Variants in CYP1A1 observed in about 807,000 individuals in gnomAD.
The protein encoded by CYP1A1 is cytochrome P450 1A1.
A neutral mutation model predicts 33.6 loss-of-function variants in CYP1A1; 43 were observed. The ratio of observed to expected loss-of-function variants is 1.28; its 90% confidence interval spans 1.00 to 1.65. The LOEUF (loss-of-function observed/expected upper bound fraction) is 1.65. CYP1A1 is among the 40% of genes most tolerant of loss of function. The probability of loss-of-function intolerance (pLI) is 0.00; values close to 1 mark genes in which losing one functional copy is unlikely to be tolerated. For synonymous variants in CYP1A1, 280 were observed against 257.8 expected, an observed-to-expected ratio of 1.09 and a Z score of -0.83; for missense variants, 637 against 653.7, an observed-to-expected ratio of 0.97 and a Z score of 0.28.
intron 1 of CYP1A1, among the ~76,000 whole-genome samples, chr15:74,724,819 A>T (rs1379040468): frequency 1.3e-5 from 2 of 151,996 alleles, no homozygotes; most frequent in African/African-American, 4.8e-5. Flanking sequence ...AGCTCCCTGC[A>T]GTTGGCAATC....
At chr15:74,723,223 AC>A in intron 1 of CYP1A1, 97 bp from the exon 2 acceptor site, 1 of 678,632 alleles carries the variant, frequency 1.5e-6, no homozygotes, top group Non-Finnish European at 2.4e-6. Context: ...AAACCTTTCC[AC>A]CAGAACTGCT....
At position 74,720,497 on chromosome 15, in the gene CYP1A1, G is replaced by A. The variant is rs148638069; in HGVS notation, c.1531C>T (p.Arg511Cys). ...ACCEHFQMQLRS is the reference protein window; with the variant it reads ...ACCEHFQMQLCS Reference sequence around the variant, plus strand: ...TCAGGGCTCTCAAGCACCTAAGAGCGCAGCTGCATTTGGAAGTGCTCACAG... The same window carrying A: ...TCAGGGCTCTCAAGCACCTAAGAGCACAGCTGCATTTGGAAGTGCTCACAG... Residue 511 changes from arginine (R) to cysteine (C), a missense_variant, in exon 7 of 7, where the codon CGC becomes TGC. Arg to Cys is a radical substitution (Grantham distance 180, BLOSUM62 -3). Coordinates refer to ENST00000379727, the MANE Select transcript of CYP1A1 (RefSeq NM_001319217.2). 3.3e-5 allele frequency: 51 copies of A among 1,566,644 alleles called. No homozygotes were observed. The highest frequency in any genetic ancestry group is 1.3e-4 in the Admixed American group (7 of 54,490).
intron 2 of CYP1A1, chr15:74,722,011 C>A: frequency 3.4e-6 from 2 of 591,166 alleles, no homozygotes; most frequent in Admixed American, 3.1e-5. Flanking sequence ...CTCTTCCTGG[C>A]TCCCTCAGCA....
chr15:74,724,564 G>A (rs1264881639), intron 1 of CYP1A1, among the ~76,000 whole-genome samples: 1 of 151,358 alleles, frequency 6.6e-6, no homozygotes, highest in Non-Finnish European at 1.5e-5. Context: ...CTCCCCACAG[G>A]AGAACCTCAC....
In CYP1A1 at chr15:74,721,495, T is replaced by G; in HGVS notation, c.961A>C (p.Thr321Pro). 6.2e-7 allele frequency: 1 copy of G among 1,614,178 alleles called. No individual in the cohort carries two copies. Among genetic ancestry groups the G allele is most frequent in the Middle Eastern group, 1.6e-4 (1 of 6,062 alleles). ...CTCCAGGAGATAGCAGTTGTGACTG[T>G]GTCAAACCCTGGACAGGGTAGAACA... The part of the protein sequence containing the change: ...VLDLFGAGFD[T>P]VTTAISWSLM... The change falls in exon 4 of 7, where the codon ACA (threonine) becomes CCA (proline). Residue 321 changes from threonine (T) to proline (P), a missense_variant. Physicochemically the swap from Thr to Pro is conservative, Grantham distance 38. Coordinates refer to ENST00000379727, the MANE Select transcript of CYP1A1 (RefSeq NM_001319217.2).
chr15:74,720,248 G>C lies in CYP1A1; in HGVS notation c.*241C>G, dbSNP rs375879810. ...CCTGGCTCAAGCACAACTTGGGAAG[G>C]CTCCATCAGCATCTATGTGGCCCTG... On this transcript the variant is annotated 3_prime_UTR_variant, in exon 7 of 7. Transcript: ENST00000379727. 2.7e-5 allele frequency: 11 copies of C among 405,318 alleles called. No homozygotes were observed. The highest frequency in any genetic ancestry group is 1.2e-4 in the East Asian group (3 of 26,002). The allele number at this position is 405,318 out of a possible 1,614,324, so 25.1% of individuals were successfully genotyped here.
rs767529575 is a variant in CYP1A1 at position 74,721,675 on chromosome 15, G to A, written c.868C>T (p.Gln290Ter). Residue 290 changes from glutamine to a stop codon, truncating the protein, a stop_gained, in exon 3 of 7, where the codon CAG becomes TAG. Transcript: ENST00000379727. LOFTEE classifies it high-confidence loss of function. Reference protein sequence around the residue: ...DITDSLIEHCQEKQLDENANV... With the variant: ...DITDSLIEHC ...GCGTTCTCATCCAGCTGCTTCTCCT[G>A]ACAGTGCTCAATCAGGCTGTCTGTG... is the stretch of plus-strand genomic sequence containing the variant. The A allele has an allele frequency of 1.2e-5, 19 of 1,614,110 alleles. No individual in the cohort carries two copies. The highest frequency in any genetic ancestry group is 1.4e-5 in the Non-Finnish European group (17 of 1,180,042).
intron 1 of CYP1A1, among the ~76,000 whole-genome samples, chr15:74,724,951 C>A (rs2063203713): frequency 6.6e-6 from 1 of 152,160 alleles, no homozygotes; most frequent in South Asian, 2.1e-4. Context: ...TCAGCACTGA[C>A]AAGCCACCCT....
chr15:74,720,270 C>T lies in CYP1A1; in HGVS notation c.*219G>A, dbSNP rs2063156754. ...AAGGCTCCATCAGCATCTATGTGGC[C>T]CTGTTTTACCTGTTGTCTCTGGAGG... On this transcript the variant is annotated 3_prime_UTR_variant, in exon 7 of 7. Coordinates refer to ENST00000379727, the MANE Select transcript of CYP1A1 (RefSeq NM_001319217.2). The T allele has an allele frequency of 4.4e-6, 2 of 451,576 alleles. No individual in the cohort carries two copies. Among genetic ancestry groups the T allele is most frequent in the Non-Finnish European group, 7.7e-6 (2 of 261,316 alleles). The allele number at this position is 451,576 out of a possible 1,614,324, so 28.0% of individuals were successfully genotyped here.
At position 74,722,721 on chromosome 15, in the gene CYP1A1, T is replaced by G. The variant is rs763346193; in HGVS notation, c.377A>C (p.Asp126Ala). The change falls in exon 2 of 7, where the codon GAC becomes GCC. Residue 126 changes from aspartate (D) to alanine (A), a missense_variant. Asp to Ala is a moderately radical substitution (Grantham distance 126). Transcript: ENST00000379727. ...GCGGGCAGCCCACACTGGTCCAGAGTCTGGGCTGAAGGACATGCTCTGACC... is the reference window on the plus strand; with the variant it reads ...GCGGGCAGCCCACACTGGTCCAGAGGCTGGGCTGAAGGACATGCTCTGACC... ...SNGQSMSFSP[D>A]SGPVWAARRR... 3.1e-6 allele frequency: 5 copies of G among 1,613,118 alleles called. No homozygotes were observed. In the African/African-American group the frequency reaches 6.7e-5, roughly 22 times the overall value.
Position 74,720,495 on chromosome 15 carries a change from G to A in CYP1A1, c.1533C>T (p.Arg511=), listed in dbSNP as rs1171754436. The A allele has an allele frequency of 2.6e-6, 4 of 1,565,978 alleles. No homozygotes were observed. Among genetic ancestry groups the A allele is most frequent in the Non-Finnish European group, 3.5e-6 (4 of 1,156,020 alleles). The change falls in exon 7 of 7, where the codon CGC becomes CGT. Residue 511 remains arginine (R), a synonymous_variant. Coordinates refer to ENST00000379727, the MANE Select transcript of CYP1A1 (RefSeq NM_001319217.2). Reference sequence around the variant, plus strand: ...CCTCAGGGCTCTCAAGCACCTAAGAGCGCAGCTGCATTTGGAAGTGCTCAC... The same window carrying A: ...CCTCAGGGCTCTCAAGCACCTAAGAACGCAGCTGCATTTGGAAGTGCTCAC... ...ACCEHFQMQL[R]S
chr15:74,720,603 C>A lies in CYP1A1; in HGVS notation c.1425G>T (p.Leu475=), dbSNP rs529036977. The A allele has an allele frequency of 3.7e-6, 6 of 1,614,094 alleles. No homozygotes were observed. The African/African-American group carries it at 4.0e-5, about 11-fold the overall frequency. ...WEVFLFLAIL[L]QRVEFSVPLG... The stretch of plus-strand genomic sequence containing the variant: ...GTGGCACGCTGAATTCCACCCGTTG[C>A]AGCAGGATAGCCAGGAAGAGAAAGA... The change falls in exon 7 of 7, where the codon CTG becomes CTT. Residue 475 remains leucine (L), a synonymous_variant. Coordinates refer to ENST00000379727, the MANE Select transcript of CYP1A1 (RefSeq NM_001319217.2).
In CYP1A1 at chr15:74,721,619, A is replaced by C. The variant is rs1489265730; in HGVS notation, c.924T>G (p.Ile308Met). The change falls in exon 3 of 7, where the codon ATT becomes ATG. Residue 308 changes from isoleucine to methionine, a missense_variant. By Grantham distance (10) the Ile-to-Met change is conservative (BLOSUM62 1). Transcript: ENST00000379727. ...ANVQLSDEKI[I>M]NIVLDLFGAG... is the part of the protein sequence containing the mutation. ...CTCCAAAGAGGTCCAAGACGATGTT[A>C]ATGATCTTCTCATCTGACAGCTGGA... 1 of 1,614,026 alleles carries C rather than the reference A, an allele frequency of 6.2e-7. No homozygotes were observed. Among genetic ancestry groups the C allele is most frequent in the South Asian group, 1.1e-5 (1 of 91,084 alleles).
chr15:74,720,130 T>C lies in CYP1A1; in HGVS notation c.*359A>G, dbSNP rs4986882. The C allele has an allele frequency of 0.02, 3,791 of 191,712 alleles. 153 individuals are homozygous for C. Among genetic ancestry groups the C allele is most frequent in the African/African-American group, 0.083 (3,581 of 43,120 alleles). The allele number at this position is 191,712 out of a possible 1,614,324, so 11.9% of individuals were successfully genotyped here. ...AACTTGCTGAAGCCAGTCAGCACCC[T>C]CACAGAGCCAGCTAGGTACTGGGCC... On this transcript the variant is annotated 3_prime_UTR_variant, in exon 7 of 7. Transcript: ENST00000379727.
At chr15:74,724,246 G>T (rs879266832) in intron 1 of CYP1A1, among the ~76,000 whole-genome samples, 1 of 152,164 alleles carries the variant, frequency 6.6e-6, no homozygotes, top group African/African-American at 2.4e-5. Context: ...ATCAGGAATG[G>T]ATCTAAACTG....
rs754054915 is a variant in CYP1A1, at chr15:74,721,009, C to T, written c.1211G>A (p.Gly404Glu). ...CCACTGGTTTACAAAGACACAACGCCCCTTGGGGATGTAAAAGCCTTTCAA... is the reference window on the plus strand; with the variant it reads ...CCACTGGTTTACAAAGACACAACGCTCCTTGGGGATGTAAAAGCCTTTCAA... The part of the protein sequence containing the change: ...TSLKGFYIPK[G>E]RCVFVNQWQI... The change falls in exon 6 of 7, where the codon GGG (glycine) becomes GAG (glutamate). Residue 404 changes from glycine to glutamate, a missense_variant. Transcript: ENST00000379727. 1.2e-6 allele frequency: 2 copies of T among 1,614,176 alleles called. No homozygotes were observed. Among genetic ancestry groups the T allele is most frequent in the Non-Finnish European group, 8.5e-7 (1 of 1,180,030 alleles).
Position 74,719,905 on chromosome 15 carries a change from C to G in CYP1A1, c.*584G>C, listed in dbSNP as rs2063154833. 1 of 152,470 alleles carries G rather than the reference C, an allele frequency of 6.6e-6. No individual in the cohort carries two copies. Among genetic ancestry groups the G allele is most frequent in the Non-Finnish European group, 1.5e-5 (1 of 68,278 alleles). 9.4% of individuals were successfully genotyped at this position (152,470 alleles called of 1,614,324 possible). ...GGTCTTACAAGGCCAGAAGGCAGCC[C>G]TGTTTGTTCCTGCCTGCAGGAAGGG... On this transcript the variant is annotated 3_prime_UTR_variant, in exon 7 of 7. Transcript: ENST00000379727.
Position 74,721,505 on chromosome 15 carries a change from TG to T in CYP1A1, c.953-3del. 2.5e-6 allele frequency: 4 copies of T among 1,614,148 alleles called. No individual in the cohort carries two copies. Among genetic ancestry groups the T allele is most frequent in the Non-Finnish European group, 3.4e-6 (4 of 1,180,026 alleles). On this transcript the variant is annotated splice_region_variant and splice_polypyrimidine_tract_variant and intron_variant, in intron 3 of 6. Coordinates refer to ENST00000379727, the MANE Select transcript of CYP1A1 (RefSeq NM_001319217.2). ...TAGCAGTTGTGACTGTGTCAAACCCTGGACAGGGTAGAACAGAAGAAGTTAG... is the reference window on the plus strand; with the variant it reads ...TAGCAGTTGTGACTGTGTCAAACCCTGACAGGGTAGAACAGAAGAAGTTAG...
chr15:74,721,116 C>T (rs532992073), intron 5 of CYP1A1, 63 bp from the exon 6 acceptor site: 39 of 1,610,208 alleles, frequency 2.4e-5, no homozygotes, highest in Non-Finnish European at 3.1e-5. Flanking sequence ...TCTCCCATGC[C>T]GTGTCCCTCC....
Sources: gnomAD v4.1 joint callset for allele counts (sites outside exome capture counted in the v4.1 genomes callset) on GRCh38, gnomAD v4.1.1 for gene constraint, MANE v1.5 for transcripts, NCBI Gene and HGNC (gene_info 2026-07-23, HGNC 2026-07-21) for gene names.